Variants in PIK3CB observed in about 807,000 individuals in gnomAD.
The protein encoded by PIK3CB is phosphatidylinositol-4,5-bisphosphate 3-kinase catalytic subunit beta, also known as phosphatidylinositol 4,5-bisphosphate 3-kinase catalytic subunit beta isoform.
Under a neutral mutation model 136.8 loss-of-function variants are expected in PIK3CB, and 39 were observed. The observed-to-expected ratio is 0.29, with a 90% CI of 0.22 to 0.37. The LOEUF is 0.37. Ranked by LOEUF, PIK3CB falls within the 10% of genes least tolerant of loss-of-function variation. The probability of loss-of-function intolerance (pLI) is 1.00; values close to 1 mark genes in which losing one functional copy is unlikely to be tolerated. For missense variants in PIK3CB, 868 were observed against 1,275.4 expected, an observed-to-expected ratio of 0.68 and a Z score of 4.87; for synonymous variants, 428 against 436.6, an observed-to-expected ratio of 0.98 and a Z score of 0.25.
intron 6 of PIK3CB, among the ~76,000 whole-genome samples, chr3:138,735,915 G>T (rs2045093069): frequency 6.6e-6 from 1 of 152,048 alleles, no homozygotes; most frequent in African/African-American, 2.4e-5. Context: ...TTTTCACTAT[G>T]AAAGATCCAT....
intron 19 of PIK3CB, among the ~76,000 whole-genome samples, chr3:138,678,533 T>A (rs575690539): frequency 9.9e-5 from 15 of 152,138 alleles, no homozygotes; most frequent in Non-Finnish European, 1.8e-4. Context: ...AATAAGTATA[T>A]AGTAATCACA....
chr3:138,707,082 T>G (rs1314237608), intron 11 of PIK3CB, 77 bp downstream of exon 11: 1 of 918,730 alleles, frequency 1.1e-6, no homozygotes, highest in African/African-American at 1.7e-5. Context: ...AAGAGACAGA[T>G]AGAGCTTAAA....
intron 19 of PIK3CB, among the ~76,000 whole-genome samples, chr3:138,665,848 G>A (rs934510930): frequency 1.3e-5 from 2 of 152,180 alleles, no homozygotes; most frequent in African/African-American, 4.8e-5. Flanking sequence ...GGGATTACAG[G>A]TGTGAGCCAC....
chr3:138,817,046 CA>C (rs71626083), intron 1 of PIK3CB, among the ~76,000 whole-genome samples: 19 of 135,542 alleles, frequency 1.4e-4, no homozygotes, highest in Admixed American at 2.3e-4. Context: ...ACTAAAAATA[CA>C]AAAAAAAAAG....
At chr3:138,775,425 C>T (rs530871240) in intron 2 of PIK3CB, among the ~76,000 whole-genome samples, 2 of 152,224 alleles carry the variant, frequency 1.3e-5, no homozygotes, top group South Asian at 4.2e-4. Context: ...GCAGTTAGGT[C>T]TAGTGAGAGA....
At chr3:138,784,130 G>A (rs1419268336) in intron 2 of PIK3CB, among the ~76,000 whole-genome samples, 1 of 152,188 alleles carries the variant, frequency 6.6e-6, no homozygotes, top group African/African-American at 2.4e-5. Context: ...AGTGGCTCAC[G>A]CCTGTAATCC....
intron 7 of PIK3CB, among the ~76,000 whole-genome samples, chr3:138,733,684 C>T (rs1292519467): frequency 6.6e-6 from 1 of 152,092 alleles, no homozygotes; most frequent in Admixed American, 6.6e-5. Flanking sequence ...CGAGACCATC[C>T]TGGCTAACAC....
At chr3:138,810,265 A>G (rs1424682677) in intron 1 of PIK3CB, among the ~76,000 whole-genome samples, 1 of 151,836 alleles carries the variant, frequency 6.6e-6, no homozygotes, top group Non-Finnish European at 1.5e-5. Flanking sequence ...GTGTAGATAC[A>G]CCCCCATCAA....
rs919284961 is a variant in PIK3CB at position 138,652,963 on chromosome 3, C to G, written c.*2426G>C. On this transcript the variant is annotated 3_prime_UTR_variant, in exon 24 of 24. Transcript: ENST00000674063. ...TGATGCTCCTCATCAGGGGACCACA[C>G]TTGGAGAATGATTGCTATAGATTAA... 1.4e-5 allele frequency: 3 copies of G among 215,904 alleles called. No homozygotes were observed. Among genetic ancestry groups the G allele is most frequent in the African/African-American group, 6.7e-5 (3 of 44,488 alleles). 13.4% of individuals were successfully genotyped at this position (215,904 alleles called of 1,614,324 possible).
intron 2 of PIK3CB, among the ~76,000 whole-genome samples, chr3:138,788,656 CAAAAAAA>C (rs71146142): frequency 5.3e-5 from 2 of 37,726 alleles, no homozygotes; most frequent in South Asian, 1.5e-3. Flanking sequence ...GACTTTGTCT[CAAAAAAA>C]AAAAAAAAAA....
At chr3:138,823,948 G>A (rs532395749) in intron 1 of PIK3CB, among the ~76,000 whole-genome samples, 6 of 152,248 alleles carry the variant, frequency 3.9e-5, no homozygotes, top group South Asian at 2.1e-4. Flanking sequence ...GGTCTTCATG[G>A]TCTAGAAAGC....
chr3:138,779,245 C>T (rs919252446), intron 2 of PIK3CB, among the ~76,000 whole-genome samples: 1 of 151,944 alleles, frequency 6.6e-6, no homozygotes, highest in Non-Finnish European at 1.5e-5. Flanking sequence ...ACCACCATGC[C>T]CGGCTAATTT....
chr3:138,810,983 T>C (rs893387146), intron 1 of PIK3CB, among the ~76,000 whole-genome samples: 9 of 151,782 alleles, frequency 5.9e-5, no homozygotes, highest in Middle Eastern at 3.2e-3. Context: ...ATCCCAGTAC[T>C]CTTGGGAGGC....
At chr3:138,685,448 GAAACTT>G (rs1204574689) in intron 16 of PIK3CB, among the ~76,000 whole-genome samples, 1 of 104,736 alleles carries the variant, frequency 9.5e-6, no homozygotes, top group Non-Finnish European at 2.0e-5. Context: ...AGATAAATAT[GAAACTT>G]AAACTACTCA....
rs1257392455 is a variant in PIK3CB at position 138,656,141 on chromosome 3, C to A, written c.3075+1G>T. ...AGAGAGAAGGAAAAGTGGTTTTATA[C>A]CTTAAGATACTGTATATCTTTGACT... On this transcript the variant is annotated splice_donor_variant, in intron 23 of 23. Transcript: ENST00000674063. LOFTEE classifies it high-confidence loss of function. 6.2e-7 allele frequency: 1 copy of A among 1,613,848 alleles called. No homozygotes were observed. The highest frequency in any genetic ancestry group is 2.2e-5 in the East Asian group (1 of 44,888).
intron 19 of PIK3CB, among the ~76,000 whole-genome samples, chr3:138,671,873 G>C (rs1471640378): frequency 6.6e-6 from 1 of 152,144 alleles, no homozygotes; most frequent in Admixed American, 6.5e-5. Context: ...AACTAATCCT[G>C]GTTGGCTAAA....
At chr3:138,748,716 A>G (rs916465691) in intron 4 of PIK3CB, among the ~76,000 whole-genome samples, 2 of 152,196 alleles carry the variant, frequency 1.3e-5, no homozygotes, top group African/African-American at 4.8e-5. Context: ...AGAATGGGTC[A>G]GGTAAAATCC....
intron 4 of PIK3CB, among the ~76,000 whole-genome samples, chr3:138,750,996 T>G (rs972571499): frequency 6.6e-5 from 10 of 152,180 alleles, no homozygotes; most frequent in African/African-American, 2.4e-4. Flanking sequence ...TTGGTAATGT[T>G]TTTCAATATA....
chr3:138,684,920 A>T (rs754311419), intron 16 of PIK3CB, 117 bp from the exon 17 acceptor site: 43 of 594,406 alleles, frequency 7.2e-5, no homozygotes, highest in Admixed American at 4.3e-4. Flanking sequence ...ATAAACACAC[A>T]TAACCAGCTG....
Sources: allele counts gnomAD v4.1 joint callset (sites outside exome capture counted in the v4.1 genomes callset), GRCh38; gene constraint gnomAD v4.1.1; transcripts MANE v1.5; gene names NCBI Gene and HGNC (gene_info 2026-07-23, HGNC 2026-07-21).